ALPK1: variants seen among roughly 807,000 people sequenced by gnomAD.
The protein encoded by ALPK1 is alpha-protein kinase 1.
ALPK1 carries 110 observed loss-of-function variants against 120.6 expected under a neutral mutation model. The observed-to-expected ratio is 0.91, with a 90% CI of 0.78 to 1.07. The LOEUF is 1.07. Ranked by LOEUF, ALPK1 falls within the 50% of genes least tolerant of loss-of-function variation. The pLI, the probability that ALPK1 is intolerant of heterozygous loss-of-function variation, is 0.00. For synonymous variants in ALPK1, 582 were observed against 560.3 expected (o/e 1.04, Z -0.55); for missense variants, 1,498 against 1,483.9 (o/e 1.01, Z -0.16).
intron 2 of ALPK1, among the ~76,000 whole-genome samples, chr4:112,318,129 A>G (rs1728717823): frequency 6.6e-6 from 1 of 152,234 alleles, no homozygotes; most frequent in Non-Finnish European, 1.5e-5. Context: ...TAAAGTATAT[A>G]CTTACACTAC....
At chr4:112,311,323 A>G (rs1728391428) in intron 1 of ALPK1, among the ~76,000 whole-genome samples, 1 of 152,218 alleles carries the variant, frequency 6.6e-6, no homozygotes, top group African/African-American at 2.4e-5. Context: ...AGTATTTGTT[A>G]AGCTTGTTCT....
intron 5 of ALPK1, among the ~76,000 whole-genome samples, chr4:112,416,513 G>A (rs1359775600): frequency 6.6e-6 from 1 of 152,156 alleles, no homozygotes; most frequent in Non-Finnish European, 1.5e-5. Context: ...CTTCTAGCGG[G>A]ACTAACTAGA....
intron 5 of ALPK1, among the ~76,000 whole-genome samples, chr4:112,418,563 G>A (rs1051618903): frequency 2.6e-5 from 4 of 152,214 alleles, no homozygotes; most frequent in African/African-American, 9.6e-5. Flanking sequence ...GGCCTGGCCA[G>A]AGGAGCACAC....
intron 2 of ALPK1, among the ~76,000 whole-genome samples, chr4:112,345,068 A>G (rs148392510): frequency 1.9e-3 from 286 of 152,350 alleles, no homozygotes; most frequent in African/African-American, 6.5e-3. Flanking sequence ...AGAAAGTAGA[A>G]TAATAGAAGT....
chr4:112,431,595 T>C lies in ALPK1; in HGVS notation c.2048T>C (p.Phe683Ser). The C allele has an allele frequency of 6.2e-7, 1 of 1,614,210 alleles. No individual in the cohort carries two copies. Among genetic ancestry groups the C allele is most frequent in the Non-Finnish European group, 8.5e-7 (1 of 1,180,030 alleles). ...TCGCCTCATAATACCCCAGGCATTT[T>C]CTTGGCCCCTGGTGCAGGGCTTCTA... The part of the protein sequence containing the change: ...PFSPHNTPGI[F>S]LAPGAGLLEG... Residue 683 changes from phenylalanine (F) to serine (S), a missense_variant, in exon 11 of 16, where the codon TTC becomes TCC. By Grantham distance (155) the Phe-to-Ser change is radical (BLOSUM62 -2). Coordinates refer to ENST00000650871, the MANE Select transcript of ALPK1 (RefSeq NM_025144.4).
intron 5 of ALPK1, chr4:112,412,473 G>GT (rs200595020): frequency 4.4e-5 from 20 of 456,618 alleles, no homozygotes; most frequent in Middle Eastern, 3.2e-4. Context: ...TAATTTGAGG[G>GT]TTTTTTTTCA....
intron 2 of ALPK1, among the ~76,000 whole-genome samples, chr4:112,355,226 A>T (rs1340195412): frequency 6.6e-6 from 1 of 152,172 alleles, no homozygotes; most frequent in Non-Finnish European, 1.5e-5. Context: ...ATTTGTTGCA[A>T]ATTTAAGATA....
At chr4:112,311,632 C>T (rs1728405009) in intron 1 of ALPK1, among the ~76,000 whole-genome samples, 1 of 152,184 alleles carries the variant, frequency 6.6e-6, no homozygotes, top group African/African-American at 2.4e-5. Context: ...TCTGTCTGTC[C>T]TTCAAGGTGC....
intron 2 of ALPK1, among the ~76,000 whole-genome samples, chr4:112,349,538 C>T (rs1318028860): frequency 2.4e-5 from 3 of 126,878 alleles, no homozygotes; most frequent in African/African-American, 3.3e-5. Context: ...CTATTATTAC[C>T]GCCCCAACCC....
chr4:112,330,565 G>A (rs1332136242), intron 2 of ALPK1, among the ~76,000 whole-genome samples: 2 of 152,232 alleles, frequency 1.3e-5, no homozygotes, highest in African/African-American at 4.8e-5. Context: ...TCCCAGTGAT[G>A]TGAGAGGTTC....
At chr4:112,418,252 C>T (rs938485479) in intron 5 of ALPK1, among the ~76,000 whole-genome samples, 99 of 152,178 alleles carry the variant, frequency 6.5e-4, no homozygotes, top group African/African-American at 2.3e-3. Flanking sequence ...TGGCCAAACT[C>T]GCTGGAAACC....
intron 2 of ALPK1, among the ~76,000 whole-genome samples, chr4:112,363,464 T>C (rs1255425073): frequency 2.0e-5 from 3 of 152,030 alleles, no homozygotes; most frequent in African/African-American, 7.2e-5. Context: ...GAAAAAGGAA[T>C]AGTGGATAAT....
intron 2 of ALPK1, among the ~76,000 whole-genome samples, chr4:112,362,166 G>A (rs1730944249): frequency 6.6e-6 from 1 of 152,134 alleles, no homozygotes; most frequent in Admixed American, 6.5e-5. Flanking sequence ...CTGGTAATAT[G>A]ACAAAACAAG....
chr4:112,416,565 T>C (rs1223557744), intron 5 of ALPK1, among the ~76,000 whole-genome samples: 1 of 152,064 alleles, frequency 6.6e-6, no homozygotes, highest in Non-Finnish European at 1.5e-5. Context: ...TGAAGGAGTA[T>C]ATCTAGCCTT....
At position 112,432,448 on chromosome 4, in the gene ALPK1, A is replaced by G; in HGVS notation, c.2901A>G (p.Lys967=). 1.9e-6 allele frequency: 3 copies of G among 1,614,168 alleles called. No individual in the cohort carries two copies. Among genetic ancestry groups the G allele is most frequent in the Non-Finnish European group, 2.5e-6 (3 of 1,180,022 alleles). Residue 967 remains lysine, a synonymous_variant, in exon 11 of 16, where the codon AAA becomes AAG. Coordinates refer to ENST00000650871, the MANE Select transcript of ALPK1 (RefSeq NM_025144.4). ...SWVSLPGKMR[K]EILEARTLQP... ...TTTCATTGCCGGGAAAGATGAGGAAAGAGATCCTTGAGGCTCGCACCTTGC... is the reference window on the plus strand; with the variant it reads ...TTTCATTGCCGGGAAAGATGAGGAAGGAGATCCTTGAGGCTCGCACCTTGC...
intron 2 of ALPK1, among the ~76,000 whole-genome samples, chr4:112,365,751 C>A (rs1731119683): frequency 6.6e-6 from 1 of 152,094 alleles, no homozygotes; most frequent in African/African-American, 2.4e-5. Flanking sequence ...ATAGTCAAAG[C>A]AAGACTAAGC....
chr4:112,401,994 T>C (rs578191970), intron 4 of ALPK1, among the ~76,000 whole-genome samples: 11 of 152,328 alleles, frequency 7.2e-5, no homozygotes, highest in African/African-American at 2.6e-4. Context: ...TGGACAAATA[T>C]GGAGCATGCT....
chr4:112,435,033 T>C (rs1734728659), intron 11 of ALPK1, 115 bp from the exon 12 acceptor site: 1 of 1,019,878 alleles, frequency 9.8e-7, no homozygotes, highest in Non-Finnish European at 1.5e-6. Flanking sequence ...GAAAAGTGTA[T>C]AAAAAAGTGA....
chr4:112,299,544 CAA>C (rs1727695575), intron 1 of ALPK1, among the ~76,000 whole-genome samples: 1 of 151,970 alleles, frequency 6.6e-6, no homozygotes, highest in Admixed American at 6.6e-5. Flanking sequence ...GCAGATTTGG[CAA>C]AAATTATGAA....
Sources: gnomAD v4.1 joint callset for allele counts (sites outside exome capture counted in the v4.1 genomes callset) on GRCh38, gnomAD v4.1.1 for gene constraint, MANE v1.5 for transcripts, NCBI Gene and HGNC (gene_info 2026-07-23, HGNC 2026-07-21) for gene names.